KIAA0319: variants seen among roughly 807,000 people sequenced by gnomAD.
KIAA0319 encodes the protein dyslexia-associated protein KIAA0319.
In KIAA0319, 83 loss-of-function variants were observed where a neutral mutation model predicts 108.4. The observed-to-expected ratio is 0.77, with a 90% CI of 0.64 to 0.92. KIAA0319 has a LOEUF of 0.92. Among genes scored for constraint, KIAA0319 ranks in the 40% least tolerant of loss-of-function variants. The pLI is 0.00. For synonymous variants in KIAA0319, 484 were observed against 510.4 expected (o/e 0.95, Z 0.70); for missense variants, 1,195 against 1,322.4 (o/e 0.90, Z 1.49).
intron 1 of KIAA0319, among the ~76,000 whole-genome samples, chr6:24,628,948 A>G (rs771642707): frequency 2.0e-5 from 3 of 152,158 alleles, no homozygotes; most frequent in Non-Finnish European, 2.9e-5. Context: ...GTAAGGTCAC[A>G]TTCACAGGTA....
chr6:24,563,600 C>T lies in KIAA0319; in HGVS notation c.2432-82G>A, dbSNP rs369907386. ...ATAAGGAGCGAGGTTTCTATAGGAG[C>T]TCAAAGTTACTCCTATGCCATTTCT... On this transcript the variant is annotated intron_variant, in intron 15 of 20. Coordinates refer to ENST00000378214, the MANE Select transcript of KIAA0319 (RefSeq NM_014809.4). 483 of 1,258,212 alleles carry T rather than the reference C, an allele frequency of 3.8e-4. 4 individuals are homozygous for T. The South Asian group carries it at 7.5e-3, about 19-fold the overall frequency. 77.9% of individuals were successfully genotyped at this position (1,258,212 alleles called of 1,614,324 possible).
At chr6:24,625,694 A>G (rs1774617890) in intron 1 of KIAA0319, among the ~76,000 whole-genome samples, 1 of 152,246 alleles carries the variant, frequency 6.6e-6, no homozygotes, top group African/African-American at 2.4e-5. Context: ...GTCCACAAAA[A>G]TATGACTAGA....
chr6:24,635,446 T>A (rs536456798), intron 1 of KIAA0319, among the ~76,000 whole-genome samples: 1 of 152,186 alleles, frequency 6.6e-6, no homozygotes, highest in Non-Finnish European at 1.5e-5. Context: ...TGGCTTAATT[T>A]TTTTTTTATT....
chr6:24,612,566 T>C (rs922610813), intron 1 of KIAA0319, among the ~76,000 whole-genome samples: 2 of 152,206 alleles, frequency 1.3e-5, no homozygotes, highest in Non-Finnish European at 2.9e-5. Flanking sequence ...TGAAATACTT[T>C]GCATTAGTAA....
At chr6:24,603,677 C>T (rs776895347) in intron 1 of KIAA0319, among the ~76,000 whole-genome samples, 3 of 152,112 alleles carry the variant, frequency 2.0e-5, no homozygotes, top group South Asian at 2.1e-4. Flanking sequence ...GGAAACACCC[C>T]GACAGATGTC....
At chr6:24,556,993 TCA>T (rs1762390287) in intron 17 of KIAA0319, among the ~76,000 whole-genome samples, 1 of 151,850 alleles carries the variant, frequency 6.6e-6, no homozygotes, top group South Asian at 2.1e-4. Flanking sequence ...GATCACAAGG[TCA>T]GGAGATCCAG....
intron 19 of KIAA0319, among the ~76,000 whole-genome samples, chr6:24,552,852 A>G (rs1581882429): frequency 6.6e-6 from 1 of 152,084 alleles, no homozygotes; most frequent in East Asian, 1.9e-4. Flanking sequence ...TGATCCACCC[A>G]CCCTGGCCTC....
Position 24,585,336 on chromosome 6 carries a change from TA to T in KIAA0319, c.995-1635del, listed in dbSNP as rs529068850. On this transcript the variant is annotated intron_variant, in intron 4 of 20. Coordinates refer to ENST00000378214, the MANE Select transcript of KIAA0319 (RefSeq NM_014809.4). ...TCCTAAACGAGATACCTACAAAGAT[TA>T]AAAAAAAAAAAAGCTACATGCCTTC... is the stretch of plus-strand genomic sequence containing the variant. Among the ~76,000 whole-genome samples the T allele has an allele frequency of 5.1e-3, 723 of 140,516 alleles. 2 individuals carry two copies. Among genetic ancestry groups the T allele is most frequent in the Middle Eastern group, 0.014 (4 of 280 alleles). The allele number at this position is 140,516 out of a possible 152,430, so 92.2% of individuals were successfully genotyped here. A position where few individuals can be genotyped will look rare whatever the true frequency, so the allele number is the denominator to read the frequency against.
chr6:24,630,710 T>TATATATATATAC (rs373537245), intron 1 of KIAA0319, among the ~76,000 whole-genome samples: 20 of 138,696 alleles, frequency 1.4e-4, no homozygotes, highest in Non-Finnish European at 1.4e-4. Context: ...TATACACATA[T>TATATATATATAC]ACACACAAAC....
At chr6:24,635,583 CT>C in intron 1 of KIAA0319, among the ~76,000 whole-genome samples, 1 of 152,314 alleles carries the variant, frequency 6.6e-6, no homozygotes, top group Non-Finnish European at 1.5e-5. Flanking sequence ...TGAGAGAAAT[CT>C]TCCATTCCTG....
In KIAA0319 at chr6:24,574,843, C is replaced by G. The variant is rs140306556; in HGVS notation, c.1734+1525G>C. On this transcript the variant is annotated intron_variant, in intron 10 of 20. Transcript: ENST00000378214. ...CCTACTTTGACTAAGTAAGGCAAAG[C>G]ACGTTTCTCTGAAAAGTTCAACAGG... Among the ~76,000 whole-genome samples, 276 of 152,336 alleles carry G rather than the reference C, an allele frequency of 1.8e-3. 2 individuals carry two copies. The highest frequency in any genetic ancestry group is 5.9e-3 in the African/African-American group (244 of 41,576).
At chr6:24,567,966 G>T (rs966024404) in intron 13 of KIAA0319, among the ~76,000 whole-genome samples, 2 of 152,116 alleles carry the variant, frequency 1.3e-5, no homozygotes, top group East Asian at 3.9e-4. Flanking sequence ...TTTATGCATG[G>T]TTGAAAATCT....
At chr6:24,638,115 CAAGAACTGAA>C (rs1776435273) in intron 1 of KIAA0319, among the ~76,000 whole-genome samples, 1 of 151,772 alleles carries the variant, frequency 6.6e-6, no homozygotes, top group Non-Finnish European at 1.5e-5. Context: ...CAAACAGAAG[CAAGAACTGAA>C]AGTAAAAGAG....
rs752615001 is a variant in KIAA0319 at position 24,547,296 on chromosome 6, C to T, written c.3088G>A (p.Glu1030Lys). The T allele has an allele frequency of 6.2e-6, 10 of 1,614,130 alleles. No homozygotes were observed. Among genetic ancestry groups the T allele is most frequent in the Non-Finnish European group, 8.5e-6 (10 of 1,179,998 alleles). Reference protein sequence around the residue: ...TEHNSSLMVSESEFDSDQDTI... With the variant: ...TEHNSSLMVSKSEFDSDQDTI... ...TCCTGGTCACTGTCAAACTCAGACT[C>T]GGATACCATCAGGCTGGAGTTGTGC... Residue 1030 changes from glutamate (E) to lysine (K), a missense_variant, in exon 21 of 21, where the codon GAG becomes AAG. Coordinates refer to ENST00000378214, the MANE Select transcript of KIAA0319 (RefSeq NM_014809.4).
chr6:24,549,878 C>T (rs1014851759), intron 20 of KIAA0319, among the ~76,000 whole-genome samples: 3 of 151,768 alleles, frequency 2.0e-5, no homozygotes, highest in Non-Finnish European at 2.9e-5. Flanking sequence ...GAGTGGGGGG[C>T]GGTGTGTGTG....
intron 1 of KIAA0319, among the ~76,000 whole-genome samples, chr6:24,609,764 C>A (rs1772032497): frequency 6.6e-6 from 1 of 151,734 alleles, no homozygotes. Context: ...ATGAAAAGCA[C>A]AGGCCCATAA....
intron 8 of KIAA0319, among the ~76,000 whole-genome samples, chr6:24,578,944 A>G (rs577641702): frequency 2.6e-4 from 39 of 152,288 alleles, no homozygotes; most frequent in African/African-American, 8.9e-4. Flanking sequence ...AATATGCTTT[A>G]TTTTCATGGT....
intron 2 of KIAA0319, 39 bp from the exon 3 acceptor site, chr6:24,596,657 A>G (rs1769661397): frequency 6.5e-7 from 1 of 1,544,962 alleles, no homozygotes; most frequent in Non-Finnish European, 8.7e-7. Context: ...AGAGAGGCAT[A>G]TCACAGGGAA....
At chr6:24,573,312 G>A (rs1267614377) in intron 10 of KIAA0319, among the ~76,000 whole-genome samples, 5 of 152,228 alleles carry the variant, frequency 3.3e-5, no homozygotes, top group Admixed American at 1.3e-4. Context: ...AAGGAGACTC[G>A]TCCATGGATG....
Sources: gnomAD v4.1 joint callset for allele counts (sites outside exome capture counted in the v4.1 genomes callset) on GRCh38, gnomAD v4.1.1 for gene constraint, MANE v1.5 for transcripts, NCBI Gene and HGNC (gene_info 2026-07-23, HGNC 2026-07-21) for gene names.